Variants in KCTD16 observed in about 807,000 individuals in gnomAD.
The protein encoded by KCTD16 is BTB/POZ domain-containing protein KCTD16.
Under a neutral mutation model 33.2 loss-of-function variants are expected in KCTD16, and 13 were observed. The observed-to-expected ratio is 0.39, with a 90% CI of 0.25 to 0.62. KCTD16 has a LOEUF of 0.62. KCTD16 is among the 20% of genes least tolerant of loss of function. KCTD16 has a pLI of 0.50. For missense variants in KCTD16, 441 were observed against 525.1 expected, an observed-to-expected ratio of 0.84 and a Z score of 1.57; for synonymous variants, 197 against 195.3, an observed-to-expected ratio of 1.01 and a Z score of -0.07.
intron 3 of KCTD16, among the ~76,000 whole-genome samples, chr5:144,303,274 T>C (rs1038709762): frequency 7.2e-5 from 11 of 152,238 alleles, no homozygotes; most frequent in Admixed American, 5.9e-4. Flanking sequence ...GCAAGCCCTC[T>C]ATGTTTCAGC....
intron 3 of KCTD16, among the ~76,000 whole-genome samples, chr5:144,309,405 A>G (rs1320479510): frequency 6.6e-6 from 1 of 151,706 alleles, no homozygotes; most frequent in Non-Finnish European, 1.5e-5. Flanking sequence ...ATAGCAGTTC[A>G]AGGTCAAGCC....
intron 3 of KCTD16, among the ~76,000 whole-genome samples, chr5:144,405,366 T>C (rs1178614321): frequency 6.6e-6 from 1 of 152,208 alleles, no homozygotes; most frequent in Non-Finnish European, 1.5e-5. Flanking sequence ...AATGAGAATG[T>C]TGTGAGCTTT....
chr5:144,459,824 C>CTTTT lies in KCTD16; in HGVS notation c.833-13814_833-13811dup, dbSNP rs70995051. On this transcript the variant is annotated intron_variant, in intron 3 of 3. Transcript: ENST00000512467. ...CTCCTGTCTCCCTCTCCAATATCAT[C>CTTTT]TTTTTTTTTTTTTTTTTTTTTTTTT... Among the ~76,000 whole-genome samples the CTTTT allele has an allele frequency of 4.1e-3, 271 of 66,798 alleles. 6 individuals are homozygous for CTTTT. Among genetic ancestry groups the CTTTT allele is most frequent in the East Asian group, 5.6e-3 (10 of 1,774 alleles). 43.8% of individuals were successfully genotyped at this position (66,798 alleles called of 152,430 possible).
At chr5:144,392,215 A>G (rs1329450993) in intron 3 of KCTD16, among the ~76,000 whole-genome samples, 1 of 152,180 alleles carries the variant, frequency 6.6e-6, no homozygotes, top group Non-Finnish European at 1.5e-5. Flanking sequence ...ATCAGGAGCA[A>G]TGCAGGGGGA....
rs140185422 is a variant in KCTD16 at position 144,345,894 on chromosome 5, A to C, written c.833-127766A>C. Among the ~76,000 whole-genome samples, 27 of 152,118 alleles carry C rather than the reference A, an allele frequency of 1.8e-4. No homozygotes were observed. The East Asian group carries it at 4.3e-3, about 24-fold the overall frequency. ...TTAAGTTATTTAAAAATGGACAATT[A>C]AGTTATTATTGACTATAGTAAACCT... On this transcript the variant is annotated intron_variant, in intron 3 of 3. Coordinates refer to ENST00000512467, the MANE Select transcript of KCTD16 (RefSeq NM_020768.4).
chr5:144,238,785 T>G (rs936244403), intron 3 of KCTD16, among the ~76,000 whole-genome samples: 1 of 152,210 alleles, frequency 6.6e-6, no homozygotes, highest in Admixed American at 6.6e-5. Context: ...GGCACATCCT[T>G]CAGCATCATT....
chr5:144,460,869 A>G (rs905022772), intron 3 of KCTD16, among the ~76,000 whole-genome samples: 2 of 152,162 alleles, frequency 1.3e-5, no homozygotes, highest in African/African-American at 2.4e-5. Flanking sequence ...ATGGGGTGCA[A>G]TTAATAAAAA....
chr5:144,323,773 T>C (rs1178426138), intron 3 of KCTD16, among the ~76,000 whole-genome samples: 3 of 152,254 alleles, frequency 2.0e-5, no homozygotes, highest in Non-Finnish European at 2.9e-5. Context: ...CCAAATACTA[T>C]CAATTTAGTG....
chr5:144,256,105 G>A (rs752706742), intron 3 of KCTD16, among the ~76,000 whole-genome samples: 3 of 152,136 alleles, frequency 2.0e-5, no homozygotes, highest in Non-Finnish European at 4.4e-5. Context: ...TGACTGTTAC[G>A]TTACTGTTTT....
chr5:144,393,149 G>A (rs1752488764), intron 3 of KCTD16, among the ~76,000 whole-genome samples: 1 of 152,048 alleles, frequency 6.6e-6, no homozygotes, highest in Non-Finnish European at 1.5e-5. Flanking sequence ...AATTCTGTTG[G>A]TAGAACTATA....
chr5:144,372,803 G>T (rs954904240), intron 3 of KCTD16, among the ~76,000 whole-genome samples: 2 of 152,214 alleles, frequency 1.3e-5, no homozygotes, highest in Non-Finnish European at 2.9e-5. Context: ...GCCAGATAAT[G>T]AAATACCATG....
intron 3 of KCTD16, among the ~76,000 whole-genome samples, chr5:144,346,256 G>C (rs1580890634): frequency 6.6e-6 from 1 of 152,178 alleles, no homozygotes; most frequent in East Asian, 1.9e-4. Context: ...CCATTCACCT[G>C]TTGATGGACA....
intron 3 of KCTD16, among the ~76,000 whole-genome samples, chr5:144,413,429 G>GT (rs1752977469): frequency 1.3e-5 from 2 of 152,166 alleles, no homozygotes; most frequent in East Asian, 3.8e-4. Flanking sequence ...GTTTATACAA[G>GT]ATTTTTTAAT....
chr5:144,458,975 TC>T (rs1754133515), intron 3 of KCTD16, among the ~76,000 whole-genome samples: 1 of 152,200 alleles, frequency 6.6e-6, no homozygotes. Flanking sequence ...ATGTAATGAT[TC>T]CTGATTGTAG....
chr5:144,242,954 A>G (rs932092739), intron 3 of KCTD16, among the ~76,000 whole-genome samples: 1 of 152,222 alleles, frequency 6.6e-6, no homozygotes, highest in Admixed American at 6.5e-5. Flanking sequence ...CATAGCAATT[A>G]TTATTAACTG....
intron 3 of KCTD16, among the ~76,000 whole-genome samples, chr5:144,452,894 C>A (rs566091644): frequency 6.6e-6 from 1 of 152,222 alleles, no homozygotes; most frequent in East Asian, 1.9e-4. Context: ...GTTCCAGGTG[C>A]TTTGCAGACT....
At chr5:144,276,402 C>A (rs1035148043) in intron 3 of KCTD16, among the ~76,000 whole-genome samples, 2 of 152,166 alleles carry the variant, frequency 1.3e-5, no homozygotes, top group Admixed American at 1.3e-4. Context: ...TACTTATAAT[C>A]TTTCACTGTT....
intron 3 of KCTD16, among the ~76,000 whole-genome samples, chr5:144,386,275 C>G (rs953947122): frequency 6.6e-6 from 1 of 152,124 alleles, no homozygotes; most frequent in Non-Finnish European, 1.5e-5. Context: ...AATGGCAGCT[C>G]CATCACTAAA....
chr5:144,239,019 C>T (rs181045246), intron 3 of KCTD16, among the ~76,000 whole-genome samples: 132 of 152,190 alleles, frequency 8.7e-4, no homozygotes, highest in Non-Finnish European at 1.3e-3. Context: ...GGGAAGCCCA[C>T]GAGAAAACTC....
Sources: allele counts gnomAD v4.1 joint callset (sites outside exome capture counted in the v4.1 genomes callset), GRCh38; gene constraint gnomAD v4.1.1; transcripts MANE v1.5; gene names NCBI Gene and HGNC (gene_info 2026-07-23, HGNC 2026-07-21).